The following PRLR variants were observed in gnomAD, a reference collection of about 807,000 sequenced individuals.
PRLR encodes hPRL receptor.
In PRLR, 13 loss-of-function variants were observed where a neutral mutation model predicts 40.2. The ratio of observed to expected loss-of-function variants is 0.32; its 90% CI spans 0.21 to 0.51. PRLR has a LOEUF of 0.51. PRLR is among the 20% of genes least tolerant of loss of function. The pLI, the probability that PRLR is intolerant of heterozygous loss-of-function variation, is 0.97. For missense variants in PRLR, 656 were observed against 747.3 expected, an observed-to-expected ratio of 0.88 and a Z score of 1.42; for synonymous variants, 269 against 278.7, an observed-to-expected ratio of 0.97 and a Z score of 0.35.
At chr5:35,168,617 C>A (rs1774911893) in intron 1 of PRLR, among the ~76,000 whole-genome samples, 2 of 151,856 alleles carry the variant, frequency 1.3e-5, no homozygotes, top group Admixed American at 6.6e-5. Context: ...GTCTAAGGAG[C>A]AATCACAACA....
At chr5:35,077,640 A>T (rs1214137084) in intron 5 of PRLR, among the ~76,000 whole-genome samples, 1 of 152,200 alleles carries the variant, frequency 6.6e-6, no homozygotes, top group Non-Finnish European at 1.5e-5. Context: ...CATTAGACAG[A>T]TCGACGACAC....
intron 1 of PRLR, among the ~76,000 whole-genome samples, chr5:35,145,345 A>G (rs1774152516): frequency 6.6e-6 from 1 of 152,190 alleles, no homozygotes; most frequent in South Asian, 2.1e-4. Flanking sequence ...TAGATGAATC[A>G]TTGCAAGAAA....
rs193133086 is a variant in PRLR, at chr5:35,115,096, A to T, written c.-44+2965T>A. On this transcript the variant is annotated intron_variant, in intron 2 of 9. Coordinates refer to ENST00000618457, the MANE Select transcript of PRLR (RefSeq NM_000949.7). ...TCCAGTGGTGGTAGCCACAAGCCACATGAGGCTGGCAAACATTTGAAATGT... is the reference window on the plus strand; with the variant it reads ...TCCAGTGGTGGTAGCCACAAGCCACTTGAGGCTGGCAAACATTTGAAATGT... 3.5e-3 allele frequency among the ~76,000 whole-genome samples: 537 copies of T among 152,334 alleles called. 4 individuals carry two copies. Among genetic ancestry groups the T allele is most frequent in the Non-Finnish European group, 4.6e-3 (314 of 68,026 alleles).
At chr5:35,161,856 A>C (rs1774684025) in intron 1 of PRLR, among the ~76,000 whole-genome samples, 1 of 152,248 alleles carries the variant, frequency 6.6e-6, no homozygotes, top group Non-Finnish European at 1.5e-5. Context: ...AGATAATTTT[A>C]CAAGTGTTAG....
At chr5:35,135,460 G>A (rs1449487021) in intron 1 of PRLR, 3 of 152,464 alleles carry the variant, frequency 2.0e-5, no homozygotes, top group Non-Finnish European at 4.4e-5. Flanking sequence ...CTGAGCTGTT[G>A]GGTTTTATTG....
At chr5:35,186,038 C>T (rs139918956) in intron 1 of PRLR, among the ~76,000 whole-genome samples, 382 of 152,230 alleles carry the variant, frequency 2.5e-3, no homozygotes, top group African/African-American at 8.5e-3. Flanking sequence ...GATCTACAGC[C>T]TTTAAGTGCA....
intron 5 of PRLR, among the ~76,000 whole-genome samples, chr5:35,082,734 T>G (rs1309180619): frequency 6.6e-6 from 1 of 151,874 alleles, no homozygotes; most frequent in Admixed American, 6.6e-5. Flanking sequence ...TGGATGAGAG[T>G]CGAAGTGTCA....
intron 1 of PRLR, among the ~76,000 whole-genome samples, chr5:35,171,659 A>G (rs1775000677): frequency 6.6e-6 from 1 of 152,296 alleles, no homozygotes; most frequent in South Asian, 2.1e-4. Flanking sequence ...GACATTTGGA[A>G]GCTTGGGGCA....
At chr5:35,155,984 A>AT (rs569090856) in intron 1 of PRLR, among the ~76,000 whole-genome samples, 2 of 152,018 alleles carry the variant, frequency 1.3e-5, no homozygotes, top group Admixed American at 6.6e-5. Context: ...TTACTTTGTA[A>AT]TTTTTTTTAA....
intron 1 of PRLR, among the ~76,000 whole-genome samples, chr5:35,164,627 T>C (rs1774768360): frequency 6.6e-6 from 1 of 152,136 alleles, no homozygotes; most frequent in South Asian, 2.1e-4. Context: ...TCTACAAGTG[T>C]GGATTTTCTT....
At chr5:35,117,147 A>G (rs1443322895) in intron 2 of PRLR, among the ~76,000 whole-genome samples, 2 of 152,142 alleles carry the variant, frequency 1.3e-5, no homozygotes, top group Non-Finnish European at 2.9e-5. Context: ...CAGAATGCCT[A>G]CACTGTTGTT....
At chr5:35,178,817 A>G (rs540845893) in intron 1 of PRLR, among the ~76,000 whole-genome samples, 11 of 152,326 alleles carry the variant, frequency 7.2e-5, no homozygotes, top group Non-Finnish European at 1.5e-4. Flanking sequence ...TAAAAATTTA[A>G]CAAAAAAGTG....
intron 2 of PRLR, among the ~76,000 whole-genome samples, chr5:35,110,453 AT>A (rs1451773662): frequency 2.0e-5 from 3 of 152,182 alleles, no homozygotes; most frequent in Admixed American, 6.6e-5. Flanking sequence ...AAAATTCCTT[AT>A]TAAGCATCTT....
chr5:35,123,102 G>T (rs1773344779), intron 1 of PRLR, among the ~76,000 whole-genome samples: 2 of 152,132 alleles, frequency 1.3e-5, no homozygotes, highest in Non-Finnish European at 1.5e-5. Flanking sequence ...GGTAGGTGTG[G>T]GTGGCCTAGT....
Position 35,070,015 on chromosome 5 carries a change from T to C in PRLR, c.685+109A>G, listed in dbSNP as rs1769642486. On this transcript the variant is annotated intron_variant, in intron 7 of 9. Coordinates refer to ENST00000618457, the MANE Select transcript of PRLR (RefSeq NM_000949.7). The stretch of plus-strand genomic sequence containing the variant: ...CAGAAAGATTATAAACCCACCTCTA[T>C]TGTTCTGGCTAAGGCTCAAAATGGT... 9.4e-6 allele frequency: 12 copies of C among 1,277,016 alleles called. No individual in the cohort carries two copies. The Admixed American group carries it at 2.5e-4, about 27-fold the overall frequency. The allele number at this position is 1,277,016 out of a possible 1,614,324, so 79.1% of individuals were successfully genotyped here.
At chr5:35,049,139 G>T in exon 9 of PRLR, 1 of 697,184 alleles carries the variant, frequency 1.4e-6, no homozygotes, top group Non-Finnish European at 2.6e-6. Flanking sequence ...GTGATCATAT[G>T]AGCTGGCTGG....
intron 1 of PRLR, among the ~76,000 whole-genome samples, chr5:35,180,520 G>A (rs555869531): frequency 2.0e-5 from 3 of 152,126 alleles, no homozygotes; most frequent in Admixed American, 1.3e-4. Flanking sequence ...ACAGATGCCA[G>A]TATCATGCTT....
At chr5:35,068,713 T>A (rs1769537741) in intron 8 of PRLR, 66 bp downstream of exon 8, 3 of 471,400 alleles carry the variant, frequency 6.4e-6, no homozygotes, top group Non-Finnish European at 9.6e-6. Context: ...CATCTTTGTA[T>A]TTTTTTTTTT....
intron 1 of PRLR, among the ~76,000 whole-genome samples, chr5:35,181,011 A>T (rs1168228469): frequency 6.6e-6 from 1 of 152,192 alleles, no homozygotes; most frequent in African/African-American, 2.4e-5. Flanking sequence ...AAGCAGTTGT[A>T]CATAGTAGGT....
Sources: allele counts gnomAD v4.1 joint callset (sites outside exome capture counted in the v4.1 genomes callset), GRCh38; gene constraint gnomAD v4.1.1; transcripts MANE v1.5; gene names NCBI Gene and HGNC (gene_info 2026-07-23, HGNC 2026-07-21).